Variants in RGS7 observed in about 807,000 individuals in gnomAD.
RGS7 encodes regulator of G-protein signaling 7.
In RGS7, 27 loss-of-function variants were observed where a neutral mutation model predicts 81.1. The observed-to-expected ratio is 0.33, with a 90% CI of 0.25 to 0.46. RGS7 has a LOEUF of 0.46. RGS7 is among the 20% of genes least tolerant of loss of function. RGS7 has a pLI of 1.00. For synonymous variants in RGS7, 208 were observed against 207.7 expected (o/e 1.00, Z -0.01); for missense variants, 396 against 607.4 (o/e 0.65, Z 3.66).
chr1:241,008,709 T>G (rs753937508), intron 3 of RGS7, among the ~76,000 whole-genome samples: 1 of 151,570 alleles, frequency 6.6e-6, no homozygotes, highest in Non-Finnish European at 1.5e-5. Flanking sequence ...GGCCAGGAGG[T>G]CGAGACCAGC....
intron 3 of RGS7, among the ~76,000 whole-genome samples, chr1:240,989,736 A>G (rs1248657459): frequency 6.6e-6 from 1 of 152,188 alleles, no homozygotes; most frequent in African/African-American, 2.4e-5. Flanking sequence ...TAAGATTAAT[A>G]TAACAACAAC....
chr1:240,866,167 C>T (rs554344149), intron 9 of RGS7, among the ~76,000 whole-genome samples: 11 of 152,312 alleles, frequency 7.2e-5, no homozygotes, highest in South Asian at 2.1e-4. Context: ...TTTAGGCGAA[C>T]GCCATTCTCA....
intron 17 of RGS7, among the ~76,000 whole-genome samples, chr1:240,800,978 T>C (rs1253969598): frequency 1.3e-5 from 2 of 152,106 alleles, no homozygotes; most frequent in Non-Finnish European, 2.9e-5. Context: ...GCATATCTTG[T>C]CACCAACCAC....
intron 2 of RGS7, among the ~76,000 whole-genome samples, chr1:241,254,505 GGACA>G (rs2076975532): frequency 6.6e-6 from 1 of 152,104 alleles, no homozygotes; most frequent in Non-Finnish European, 1.5e-5. Context: ...CTCACATGCT[GGACA>G]GACAAAGAGC....
At chr1:240,823,516 C>T (rs1692207368) in intron 10 of RGS7, 1 of 177,616 alleles carries the variant, frequency 5.6e-6, no homozygotes, top group South Asian at 1.1e-4. Context: ...GTGCCCGGAC[C>T]CTGGATCAGC....
intron 12 of RGS7, among the ~76,000 whole-genome samples, chr1:240,814,230 C>T (rs1690392256): frequency 2.0e-5 from 3 of 151,968 alleles, no homozygotes; most frequent in Admixed American, 2.0e-4. Context: ...TTTGGCAATG[C>T]CCAAAAGTGA....
intron 18 of RGS7, among the ~76,000 whole-genome samples, chr1:240,784,013 TAAA>T (rs71172645): frequency 9.1e-4 from 76 of 83,356 alleles, no homozygotes; most frequent in Middle Eastern, 6.8e-3. Flanking sequence ...CTGTCTCTAC[TAAA>T]AAAAAAAAAA....
intron 2 of RGS7, among the ~76,000 whole-genome samples, chr1:241,162,503 A>G (rs1341489110): frequency 6.6e-6 from 1 of 152,186 alleles, no homozygotes; most frequent in Non-Finnish European, 1.5e-5. Context: ...ATAAAACCCC[A>G]GTCAAGGACC....
chr1:241,003,415 C>A (rs1022286558), intron 3 of RGS7, among the ~76,000 whole-genome samples: 9 of 146,436 alleles, frequency 6.1e-5, no homozygotes, highest in Non-Finnish European at 1.2e-4. Flanking sequence ...GAACCGAGAT[C>A]GCGCCACTGC....
chr1:241,124,834 C>T (rs1052280364), intron 2 of RGS7, among the ~76,000 whole-genome samples: 6 of 152,178 alleles, frequency 3.9e-5, no homozygotes, highest in Admixed American at 1.3e-4. Context: ...ACACTGTAGG[C>T]GCTGCAGGTA....
chr1:241,352,777 A>T (rs1195584346), intron 2 of RGS7, among the ~76,000 whole-genome samples: 1 of 152,266 alleles, frequency 6.6e-6, no homozygotes, highest in Non-Finnish European at 1.5e-5. Flanking sequence ...GATTTGGAGG[A>T]ACTCCTGTAA....
intron 6 of RGS7, 97 bp downstream of exon 6, chr1:240,930,620 G>C: frequency 7.7e-6 from 9 of 1,171,548 alleles, no homozygotes; most frequent in Non-Finnish European, 9.0e-6. Context: ...GAGAACTGTG[G>C]TTTCCTTTTC....
chr1:241,308,486 A>G (rs956949556), intron 2 of RGS7, among the ~76,000 whole-genome samples: 4 of 152,226 alleles, frequency 2.6e-5, no homozygotes, highest in Non-Finnish European at 5.9e-5. Context: ...AGCCTGACAG[A>G]GAACCAGAGC....
intron 18 of RGS7, among the ~76,000 whole-genome samples, chr1:240,781,163 C>T (rs1216253918): frequency 1.3e-5 from 2 of 152,052 alleles, no homozygotes; most frequent in South Asian, 2.1e-4. Flanking sequence ...AAGTTAAGCC[C>T]GACAAACTCT....
intron 2 of RGS7, among the ~76,000 whole-genome samples, chr1:241,250,310 TA>T (rs1415843071): frequency 2.0e-5 from 3 of 152,168 alleles, no homozygotes; most frequent in Non-Finnish European, 4.4e-5. Flanking sequence ...AGAGTAAACT[TA>T]AATCTTACAC....
At chr1:240,793,611 A>ATATATATATATTTTTTTTTTTT in intron 18 of RGS7, among the ~76,000 whole-genome samples, 2 of 78,814 alleles carry the variant, frequency 2.5e-5, no homozygotes, top group African/African-American at 1.9e-4. Context: ...ATATATATAT[A>ATATATATATATTTTTTTTTTTT]TTTTTTTTTT....
intron 2 of RGS7, among the ~76,000 whole-genome samples, chr1:241,286,562 T>C (rs2078822470): frequency 6.6e-6 from 1 of 152,172 alleles, no homozygotes; most frequent in Non-Finnish European, 1.5e-5. Context: ...TATCTGCCTG[T>C]TCCATAACAA....
intron 2 of RGS7, among the ~76,000 whole-genome samples, chr1:241,265,752 AC>A (rs1474600860): frequency 6.9e-6 from 1 of 145,904 alleles, no homozygotes; most frequent in Admixed American, 6.9e-5. Flanking sequence ...CAGCCAAGTC[AC>A]CCTGATCTCA....
chr1:240,972,687 A>G (rs1288700221), intron 4 of RGS7, among the ~76,000 whole-genome samples: 1 of 94,590 alleles, frequency 1.1e-5, no homozygotes, highest in East Asian at 4.0e-4. Context: ...CCTAAAACTT[A>G]AAGTATAATA....
Sources: allele counts gnomAD v4.1 joint callset (sites outside exome capture counted in the v4.1 genomes callset), GRCh38; gene constraint gnomAD v4.1.1; transcripts MANE v1.5; gene names NCBI Gene and HGNC (gene_info 2026-07-23, HGNC 2026-07-21).